The following SEZ6L variants were observed in gnomAD, a reference collection of about 807,000 sequenced individuals.
SEZ6L encodes seizure 6-like protein.
A neutral mutation model predicts 106.2 loss-of-function variants in SEZ6L; 37 were observed. The ratio of observed to expected loss-of-function variants is 0.35; its 90% CI spans 0.27 to 0.46. The LOEUF (loss-of-function observed/expected upper bound fraction) is 0.46. Ranked by LOEUF, SEZ6L falls within the 20% of genes least tolerant of loss-of-function variation. SEZ6L has a pLI of 1.00. For synonymous variants in SEZ6L, 541 were observed against 570.4 expected, an observed-to-expected ratio of 0.95 and a Z score of 0.73; for missense variants, 1,172 against 1,332.8, an observed-to-expected ratio of 0.88 and a Z score of 1.88.
At chr22:26,209,874 A>AGGAAGGAAAGAAGGGAGAGAGGAG in intron 1 of SEZ6L, among the ~76,000 whole-genome samples, 4 of 149,634 alleles carry the variant, frequency 2.7e-5, no homozygotes, top group South Asian at 2.2e-4. Flanking sequence ...GGAGAGAGGA[A>AGGAAGGAAAGAAGGGAGAGAGGAG]GGAAGGAAAG....
chr22:26,238,099 T>G (rs1248506116), intron 1 of SEZ6L, among the ~76,000 whole-genome samples: 1 of 152,074 alleles, frequency 6.6e-6, no homozygotes, highest in East Asian at 1.9e-4. Flanking sequence ...TGAACAGAGG[T>G]CGGGATTTGA....
At chr22:26,290,539 T>A (rs1569446475) in intron 1 of SEZ6L, among the ~76,000 whole-genome samples, 1 of 151,328 alleles carries the variant, frequency 6.6e-6, no homozygotes, top group African/African-American at 2.4e-5. Flanking sequence ...CTCAAAAAAA[T>A]AAATAAAATA....
chr22:26,337,500 C>T (rs993603417), intron 9 of SEZ6L, among the ~76,000 whole-genome samples: 1 of 152,128 alleles, frequency 6.6e-6, no homozygotes, highest in African/African-American at 2.4e-5. Flanking sequence ...TTTCATGGTA[C>T]GTAGAGCTAA....
At chr22:26,363,805 C>G (rs969682950) in intron 12 of SEZ6L, among the ~76,000 whole-genome samples, 1 of 152,196 alleles carries the variant, frequency 6.6e-6, no homozygotes, top group Non-Finnish European at 1.5e-5. Context: ...AGTGTGACAC[C>G]TGCCTACGAT....
chr22:26,221,597 C>T lies in SEZ6L; in HGVS notation c.94+51834C>T, dbSNP rs896999016. The stretch of plus-strand genomic sequence containing the variant: ...AATCCCGGCACATAGCAAGCACTCG[C>T]TCGTGTCAATGGCTATCATTACTAT... On this transcript the variant is annotated intron_variant, in intron 1 of 16. Transcript: ENST00000248933. Among the ~76,000 whole-genome samples the T allele has an allele frequency of 2.6e-5, 4 of 152,354 alleles. No individual in the cohort carries two copies. In the South Asian group the frequency reaches 8.3e-4, roughly 32 times the overall value.
At chr22:26,276,363 G>T (rs1023171652) in intron 1 of SEZ6L, among the ~76,000 whole-genome samples, 3 of 152,148 alleles carry the variant, frequency 2.0e-5, no homozygotes, top group African/African-American at 7.2e-5. Flanking sequence ...CTAGAACCCA[G>T]GTCTCCTGAT....
intron 1 of SEZ6L, among the ~76,000 whole-genome samples, chr22:26,235,544 T>C (rs1411250077): frequency 6.6e-6 from 1 of 151,468 alleles, no homozygotes; most frequent in Admixed American, 6.6e-5. Flanking sequence ...TGTGGGAGCA[T>C]GTAGGGTGAG....
intron 12 of SEZ6L, among the ~76,000 whole-genome samples, chr22:26,355,771 AAGCTCTGGTTGTCTACAGCCTCTTGCCC>A (rs1242257610): frequency 4.0e-5 from 6 of 151,156 alleles, no homozygotes; most frequent in African/African-American, 1.5e-4. Context: ...AAAACTGTAT[AAGCTCTGGTTGTCTACAGCCTCTTGCCC>A]AGTCACTTGC....
chr22:26,317,056 G>A (rs941426560), intron 9 of SEZ6L, among the ~76,000 whole-genome samples: 2 of 152,116 alleles, frequency 1.3e-5, no homozygotes, highest in Non-Finnish European at 2.9e-5. Context: ...GGAAATGAAA[G>A]AGTGTGACCC....
intron 2 of SEZ6L, 147 bp downstream of exon 2, chr22:26,293,293 T>C: frequency 8.4e-7 from 1 of 1,192,526 alleles, no homozygotes. Context: ...CTTCGCCCTG[T>C]GGCTCAGAAT....
intron 5 of SEZ6L, among the ~76,000 whole-genome samples, chr22:26,304,054 CT>C (rs2081534775): frequency 6.6e-6 from 1 of 152,082 alleles, no homozygotes; most frequent in African/African-American, 2.4e-5. Context: ...ACCATCTCTC[CT>C]CAGAAAATTC....
intron 6 of SEZ6L, among the ~76,000 whole-genome samples, chr22:26,306,806 G>C (rs147618354): frequency 6.6e-6 from 1 of 152,118 alleles, no homozygotes; most frequent in Non-Finnish European, 1.5e-5. Flanking sequence ...ATATTCTGGC[G>C]TCTTATTCTA....
At chr22:26,371,456 T>C (rs907241590) in intron 13 of SEZ6L, among the ~76,000 whole-genome samples, 1 of 151,684 alleles carries the variant, frequency 6.6e-6, no homozygotes, top group African/African-American at 2.4e-5. Flanking sequence ...GAAAAGAAAA[T>C]AAAACTACCA....
chr22:26,349,900 C>G (rs1244210300), intron 11 of SEZ6L, among the ~76,000 whole-genome samples: 1 of 151,900 alleles, frequency 6.6e-6, no homozygotes, highest in African/African-American at 2.4e-5. Context: ...TTATTGTTTT[C>G]CTTTTATCTA....
intron 1 of SEZ6L, among the ~76,000 whole-genome samples, chr22:26,283,306 G>A (rs1015542396): frequency 3.9e-5 from 6 of 152,210 alleles, no homozygotes; most frequent in African/African-American, 7.2e-5. Flanking sequence ...CTAATTGGAG[G>A]AAGGTAGGGG....
chr22:26,249,458 G>T (rs531228801), intron 1 of SEZ6L, among the ~76,000 whole-genome samples: 1 of 152,196 alleles, frequency 6.6e-6, no homozygotes, highest in Non-Finnish European at 1.5e-5. Context: ...TTAACACAAT[G>T]GCCTCCAAGC....
chr22:26,297,209 G>C (rs1291159770), intron 4 of SEZ6L, 129 bp downstream of exon 4: 1 of 602,402 alleles, frequency 1.7e-6, no homozygotes, highest in Non-Finnish European at 2.7e-6. Context: ...CCCCTTCTCA[G>C]AATAATGTTT....
intron 12 of SEZ6L, among the ~76,000 whole-genome samples, chr22:26,353,275 A>T (rs1026731440): frequency 5.3e-5 from 8 of 152,350 alleles, no homozygotes; most frequent in Non-Finnish European, 1.0e-4. Context: ...TGAATGTAAA[A>T]GACACATTGC....
At chr22:26,226,869 T>C (rs1043104509) in intron 1 of SEZ6L, among the ~76,000 whole-genome samples, 7 of 152,068 alleles carry the variant, frequency 4.6e-5, no homozygotes, top group East Asian at 1.9e-4. Flanking sequence ...CTCTCTGAAA[T>C]AGAGAGACAA....
Sources: allele counts gnomAD v4.1 joint callset (sites outside exome capture counted in the v4.1 genomes callset), GRCh38; gene constraint gnomAD v4.1.1; transcripts MANE v1.5; gene names NCBI Gene and HGNC (gene_info 2026-07-23, HGNC 2026-07-21).